Variants in TRAK2 observed in about 807,000 individuals in gnomAD.
TRAK2 encodes trafficking kinesin protein 2.
In TRAK2, 81 loss-of-function variants were observed where a neutral mutation model predicts 104.6. The ratio of observed to expected loss-of-function variants is 0.77; its 90% CI spans 0.65 to 0.93. The LOEUF is 0.93. Among genes scored for constraint, TRAK2 ranks in the 40% least tolerant of loss-of-function variants. The pLI is 0.00. For synonymous variants in TRAK2, 406 were observed against 394.4 expected, an observed-to-expected ratio of 1.03 and a Z score of -0.35; for missense variants, 1,002 against 1,089.0, an observed-to-expected ratio of 0.92 and a Z score of 1.12.
At chr2:201,432,134 A>G (rs1576534797) in intron 1 of TRAK2, among the ~76,000 whole-genome samples, 1 of 152,212 alleles carries the variant, frequency 6.6e-6, no homozygotes, top group Non-Finnish European at 1.5e-5. Flanking sequence ...CCTACTCTCA[A>G]TTGCTTGATA....
chr2:201,429,870 C>T (rs929495394), intron 1 of TRAK2, among the ~76,000 whole-genome samples: 2 of 152,192 alleles, frequency 1.3e-5, no homozygotes, highest in African/African-American at 2.4e-5. Flanking sequence ...ATTCTCCGTC[C>T]AGCTTTGTTC....
intron 1 of TRAK2, among the ~76,000 whole-genome samples, chr2:201,428,383 A>G (rs1951808814): frequency 1.3e-5 from 2 of 152,250 alleles, no homozygotes; most frequent in African/African-American, 2.4e-5. Context: ...AGCTTTCTAC[A>G]TATGGCTAGC....
intron 1 of TRAK2, among the ~76,000 whole-genome samples, chr2:201,430,918 C>G (rs1179825016): frequency 6.6e-6 from 1 of 152,230 alleles, no homozygotes; most frequent in Non-Finnish European, 1.5e-5. Context: ...ACGCTGGAAG[C>G]TGTAGACTGG....
chr2:201,397,928 T>C (rs1220997435), intron 6 of TRAK2: 1 of 574,582 alleles, frequency 1.7e-6, no homozygotes, highest in Non-Finnish European at 3.1e-6. Context: ...TTCTATCCTG[T>C]GACTTTCACT....
Position 201,389,325 on chromosome 2 carries a change from C to T in TRAK2, c.1372G>A (p.Gly458Arg). The change falls in exon 12 of 16, where the codon GGG (glycine) becomes AGG (arginine). Residue 458 changes from glycine to arginine, a missense_variant. Coordinates refer to ENST00000332624, the MANE Select transcript of TRAK2 (RefSeq NM_015049.3). ...CCTGCAACCTCCTCTGAGCTGCTCC[C>T]CTGGTTCAGGAGTGATTTGTCCTCT... Reference protein sequence around the residue: ...QTEDKSLLNQGSSSEEVAGSS... With the variant: ...QTEDKSLLNQRSSSEEVAGSS... The T allele has an allele frequency of 6.2e-7, 1 of 1,614,112 alleles. No homozygotes were observed.
At chr2:201,409,434 A>C (rs1032543318) in intron 2 of TRAK2, among the ~76,000 whole-genome samples, 3 of 152,240 alleles carry the variant, frequency 2.0e-5, no homozygotes, top group African/African-American at 7.2e-5. Context: ...ATTTGAAATG[A>C]AATATGAAGT....
intron 3 of TRAK2, among the ~76,000 whole-genome samples, chr2:201,404,138 C>A (rs1162471152): frequency 6.6e-6 from 1 of 152,130 alleles, no homozygotes; most frequent in East Asian, 1.9e-4. Flanking sequence ...AAAGTCTTGG[C>A]ATTTAGACAT....
At chr2:201,444,185 AGT>A (rs2125663932) in intron 1 of TRAK2, among the ~76,000 whole-genome samples, 1 of 152,234 alleles carries the variant, frequency 6.6e-6, no homozygotes, top group South Asian at 2.1e-4. Flanking sequence ...TGGGTGACAG[AGT>A]GAGACTCTGT....
At chr2:201,432,575 T>C (rs563077040) in intron 1 of TRAK2, among the ~76,000 whole-genome samples, 1 of 152,332 alleles carries the variant, frequency 6.6e-6, no homozygotes, top group South Asian at 2.1e-4. Context: ...AACCAAAACA[T>C]GTCATTGACA....
At chr2:201,400,957 A>G in intron 4 of TRAK2, 61 bp downstream of exon 4, 1 of 1,352,716 alleles carries the variant, frequency 7.4e-7, no homozygotes, top group South Asian at 1.2e-5. Flanking sequence ...CAAATTTGAT[A>G]GATTCCAAAT....
intron 14 of TRAK2, among the ~76,000 whole-genome samples, chr2:201,385,936 G>T (rs1443305645): frequency 6.6e-6 from 1 of 152,116 alleles, no homozygotes; most frequent in Non-Finnish European, 1.5e-5. Context: ...AGGCTCTCTG[G>T]AATTCTCAAT....
At position 201,378,700 on chromosome 2, in the gene TRAK2, C is replaced by G. The variant is rs1331292075; in HGVS notation, c.*1843G>C. The stretch of plus-strand genomic sequence containing the variant: ...CTGGAATCCTTTCTGAAACTCTACA[C>G]TCTATTGACCTCAGCACAACTGAGT... On this transcript the variant is annotated 3_prime_UTR_variant, in exon 16 of 16. Transcript: ENST00000332624. The G allele has an allele frequency of 6.6e-6, 1 of 152,192 alleles. No homozygotes were observed. The highest frequency in any genetic ancestry group is 2.4e-5 in the African/African-American group (1 of 41,438). 9.4% of individuals were successfully genotyped at this position (152,192 alleles called of 1,614,324 possible). A position where few individuals can be genotyped will look rare whatever the true frequency, so the allele number is the denominator to read the frequency against.
intron 1 of TRAK2, among the ~76,000 whole-genome samples, chr2:201,444,289 C>T (rs1951948695): frequency 6.6e-6 from 1 of 152,080 alleles, no homozygotes; most frequent in African/African-American, 2.4e-5. Flanking sequence ...TAAAACCACA[C>T]CTCTCATCAC....
rs775444794 is a variant in TRAK2, at chr2:201,395,461, AT to A, written c.770-18del. ...TTGTTTCACCTTGGAAGCAAAAAAAATTTTTTTAAATTAATACAAATGTAGA... is the reference window on the plus strand; with the variant it reads ...TTGTTTCACCTTGGAAGCAAAAAAAATTTTTTAAATTAATACAAATGTAGA... On this transcript the variant is annotated intron_variant, in intron 7 of 15. Coordinates refer to ENST00000332624, the MANE Select transcript of TRAK2 (RefSeq NM_015049.3). 2.0e-6 allele frequency: 3 copies of A among 1,499,056 alleles called. No individual in the cohort carries two copies. In the South Asian group the frequency reaches 4.2e-5, roughly 21 times the overall value. The allele number at this position is 1,499,056 out of a possible 1,614,324, so 92.9% of individuals were successfully genotyped here. A position where few individuals can be genotyped will look rare whatever the true frequency, so the allele number is the denominator to read the frequency against.
chr2:201,389,717 C>T lies in TRAK2; in HGVS notation c.1193+84G>A, dbSNP rs956055652. The T allele has an allele frequency of 3.8e-5, 49 of 1,281,654 alleles. No individual in the cohort carries two copies. The African/African-American group carries it at 6.0e-4, about 16-fold the overall frequency. The allele number at this position is 1,281,654 out of a possible 1,614,324, so 79.4% of individuals were successfully genotyped here. On this transcript the variant is annotated intron_variant, in intron 11 of 15. Transcript: ENST00000332624. ...TAGTAAGCAAATTACTACTGAATCTCGTAATACTTGCCACTTTGGATTGTG... is the reference window on the plus strand; with the variant it reads ...TAGTAAGCAAATTACTACTGAATCTTGTAATACTTGCCACTTTGGATTGTG...
At chr2:201,416,361 G>A (rs561365355) in intron 2 of TRAK2, among the ~76,000 whole-genome samples, 4 of 151,958 alleles carry the variant, frequency 2.6e-5, no homozygotes, top group South Asian at 4.2e-4. Flanking sequence ...AGCCATGATC[G>A]TGTCACTGTA....
At chr2:201,411,727 G>GT in intron 2 of TRAK2, 1 of 780,324 alleles carries the variant, frequency 1.3e-6, no homozygotes, top group South Asian at 1.3e-5. Context: ...GGAATTTGTT[G>GT]TAAGAAGGGT....
intron 2 of TRAK2, chr2:201,410,577 T>A (rs1379899255): frequency 1.6e-6 from 2 of 1,221,294 alleles, no homozygotes; most frequent in African/African-American, 3.0e-5. Context: ...CATTGCTAGC[T>A]GAACTGCTAT....
intron 1 of TRAK2, among the ~76,000 whole-genome samples, chr2:201,425,893 C>A (rs758044968): frequency 2.6e-5 from 4 of 152,094 alleles, no homozygotes; most frequent in South Asian, 4.1e-4. Flanking sequence ...AAGACCACTG[C>A]GAAAATCTAA....
Sources: allele counts gnomAD v4.1 joint callset (sites outside exome capture counted in the v4.1 genomes callset), GRCh38; gene constraint gnomAD v4.1.1; transcripts MANE v1.5; gene names NCBI Gene and HGNC (gene_info 2026-07-23, HGNC 2026-07-21).